DAP3: variants seen among roughly 807,000 people sequenced by gnomAD.
The protein encoded by DAP3 is small ribosomal subunit protein mS29.
In DAP3, 28 loss-of-function variants were observed where a neutral mutation model predicts 51.9. That is an observed-to-expected ratio of 0.54 (90% CI 0.40 to 0.74). The LOEUF is 0.74. Among genes scored for constraint, DAP3 ranks in the 30% least tolerant of loss-of-function variants. The probability of loss-of-function intolerance (pLI) is 0.00; values close to 1 mark genes in which losing one functional copy is unlikely to be tolerated. For synonymous variants in DAP3, 170 were observed against 170.3 expected (o/e 1.00, Z 0.01); for missense variants, 458 against 483.5 (o/e 0.95, Z 0.49).
intron 1 of DAP3, among the ~76,000 whole-genome samples, chr1:155,704,396 C>T (rs1251165338): frequency 6.6e-6 from 1 of 152,212 alleles, no homozygotes; most frequent in Non-Finnish European, 1.5e-5. Flanking sequence ...ATGTCACACA[C>T]TCCTTCCTCT....
upstream of DAP3, chr1:155,688,652 C>A (rs1308053663): frequency 3.9e-6 from 6 of 1,534,022 alleles, no homozygotes; most frequent in African/African-American, 6.9e-5. Context: ...CAGGCCCTCA[C>A]GCGTACCTTC....
intron 4 of DAP3, 64 bp downstream of exon 4, chr1:155,721,682 T>G (rs1571526072): frequency 6.9e-7 from 1 of 1,453,484 alleles, no homozygotes. Flanking sequence ...AGCAAAGGGG[T>G]GGGGCTAAAT....
rs1355213667 is a variant in DAP3, at chr1:155,698,028, C to G, written c.-8+8854C>G. Among the ~76,000 whole-genome samples the G allele has an allele frequency of 1.3e-5, 2 of 152,136 alleles. 1 individual carries two copies. On this transcript the variant is annotated intron_variant, in intron 1 of 12. Coordinates refer to ENST00000368336, the MANE Select transcript of DAP3 (RefSeq NM_004632.4). The stretch of plus-strand genomic sequence containing the variant: ...GAAATATGACTCTGTTCTGCCTGGC[C>G]CCACAGGCAGTCAGACTTTATGGTT...
chr1:155,736,370 GTA>G (rs1375689986), intron 11 of DAP3, among the ~76,000 whole-genome samples: 1 of 152,116 alleles, frequency 6.6e-6, no homozygotes, highest in Non-Finnish European at 1.5e-5. Flanking sequence ...GTGTGCGTGT[GTA>G]TGTGTGTGTA....
At chr1:155,713,309 T>G (rs1253397136) in intron 2 of DAP3, among the ~76,000 whole-genome samples, 1 of 152,186 alleles carries the variant, frequency 6.6e-6, no homozygotes, top group Non-Finnish European at 1.5e-5. Flanking sequence ...ATTTGGATAT[T>G]TGGATATTTC....
At chr1:155,699,133 CTATT>C (rs1654875390) in intron 1 of DAP3, among the ~76,000 whole-genome samples, 1 of 152,176 alleles carries the variant, frequency 6.6e-6, no homozygotes, top group African/African-American at 2.4e-5. Flanking sequence ...GGTCTCTACA[CTATT>C]TATTGAGTAT....
rs945076485 is a variant in DAP3, at chr1:155,729,728, G to A, written c.843+362G>A. Among the ~76,000 whole-genome samples, 4 of 152,266 alleles carry A rather than the reference G, an allele frequency of 2.6e-5. No homozygotes were observed. The South Asian group carries it at 6.2e-4, about 24-fold the overall frequency. ...GAGCCCTGGAGTTCAAGGTTGTAGTGTGGCATGATTGCAACACTGCACACC... is the reference window on the plus strand; with the variant it reads ...GAGCCCTGGAGTTCAAGGTTGTAGTATGGCATGATTGCAACACTGCACACC... On this transcript the variant is annotated intron_variant, in intron 9 of 12. Transcript: ENST00000368336.
At chr1:155,729,540 G>A (rs959422149) in intron 9 of DAP3, among the ~76,000 whole-genome samples, 174 bp downstream of exon 9, 2 of 152,190 alleles carry the variant, frequency 1.3e-5, no homozygotes, top group Non-Finnish European at 2.9e-5. Context: ...ATTGGCTCAC[G>A]AGGCTGAGGT....
chr1:155,698,376 A>G (rs1241080065), intron 1 of DAP3, among the ~76,000 whole-genome samples: 2 of 152,232 alleles, frequency 1.3e-5, no homozygotes, highest in Admixed American at 6.5e-5. Flanking sequence ...ACAAATGTCC[A>G]TGAAATCTTC....
At chr1:155,712,511 C>T (rs969741801) in intron 2 of DAP3, among the ~76,000 whole-genome samples, 3 of 147,360 alleles carry the variant, frequency 2.0e-5, no homozygotes, top group Non-Finnish European at 4.4e-5. Flanking sequence ...ACTCGGGAGG[C>T]TGAGGCAGCA....
At chr1:155,728,717 A>G (rs968865589) in intron 7 of DAP3, among the ~76,000 whole-genome samples, 2 of 151,948 alleles carry the variant, frequency 1.3e-5, no homozygotes, top group African/African-American at 4.8e-5. Context: ...AAAATTAGCC[A>G]GGCGTGGTGA....
chr1:155,690,753 G>C (rs1267132647), intron 1 of DAP3, among the ~76,000 whole-genome samples: 1 of 140,750 alleles, frequency 7.1e-6, no homozygotes, highest in African/African-American at 3.3e-5. Flanking sequence ...TTTTTTGTTT[G>C]TTTGCTTTGA....
intron 2 of DAP3, among the ~76,000 whole-genome samples, chr1:155,710,729 A>G (rs1033226736): frequency 2.0e-5 from 3 of 152,230 alleles, no homozygotes; most frequent in African/African-American, 4.8e-5. Flanking sequence ...TGGCTAGGTA[A>G]CTTACCTGAG....
At chr1:155,715,275 A>G (rs1241201715) in intron 2 of DAP3, among the ~76,000 whole-genome samples, 1 of 151,030 alleles carries the variant, frequency 6.6e-6, no homozygotes, top group Non-Finnish European at 1.5e-5. Flanking sequence ...TCATCCCAGC[A>G]CTTTGGGAGG....
chr1:155,737,843 A>G (rs1177087931), intron 12 of DAP3, among the ~76,000 whole-genome samples: 10 of 152,204 alleles, frequency 6.6e-5, no homozygotes, highest in Non-Finnish European at 1.2e-4. Context: ...TAACTGTAGC[A>G]TGTTAAGTTG....
chr1:155,693,542 GT>G (rs1654137177), intron 1 of DAP3, among the ~76,000 whole-genome samples: 2 of 142,004 alleles, frequency 1.4e-5, no homozygotes, highest in South Asian at 4.1e-4. Flanking sequence ...TGACAGTATA[GT>G]TCCTGTTTTA....
Position 155,725,367 on chromosome 1 carries a change from T to G in DAP3, c.271-15T>G. On this transcript the variant is annotated splice_polypyrimidine_tract_variant and intron_variant, in intron 4 of 12. Transcript: ENST00000368336. ...CCACACCCACCCACTCTTTCCTTCT[T>G]TCCTACTTTATCAGGTGAAGACATT... The G allele has an allele frequency of 6.2e-7, 1 of 1,613,066 alleles. No homozygotes were observed. The highest frequency in any genetic ancestry group is 8.5e-7 in the Non-Finnish European group (1 of 1,179,102).
rs533269497 is a variant in DAP3, at chr1:155,735,035, C to A, written c.994-1911C>A. ...ATCCCAGCACTTTGGGAGGCCGAGG[C>A]GGGCAGATCACGAGGTCAGGAGATC... is the stretch of plus-strand genomic sequence containing the variant. On this transcript the variant is annotated intron_variant, in intron 11 of 12. Coordinates refer to ENST00000368336, the MANE Select transcript of DAP3 (RefSeq NM_004632.4). 2.0e-5 allele frequency among the ~76,000 whole-genome samples: 3 copies of A among 147,898 alleles called. 1 individual carries two copies. The highest frequency in any genetic ancestry group is 7.5e-5 in the African/African-American group (3 of 40,008).
At chr1:155,689,075 G>T, upstream of DAP3, 1 of 1,486,896 alleles carries the variant, frequency 6.7e-7, no homozygotes, top group South Asian at 1.2e-5. Context: ...CCTGCCGGAT[G>T]ACCCGACCCT....
Sources: allele counts gnomAD v4.1 joint callset (sites outside exome capture counted in the v4.1 genomes callset), GRCh38; gene constraint gnomAD v4.1.1; transcripts MANE v1.5; gene names NCBI Gene and HGNC (gene_info 2026-07-23, HGNC 2026-07-21).